The following DIS3L2 variants were observed in gnomAD, a reference collection of about 807,000 sequenced individuals.
DIS3L2 encodes the protein DIS3-like exonuclease 2.
DIS3L2 carries 34 observed loss-of-function variants against 97.5 expected under a neutral mutation model. The observed-to-expected ratio is 0.35, with a 90% CI of 0.27 to 0.46. DIS3L2 has a LOEUF of 0.46. Ranked by LOEUF, DIS3L2 falls within the 20% of genes least tolerant of loss-of-function variation. The pLI, the probability that DIS3L2 is intolerant of heterozygous loss-of-function variation, is 1.00. For synonymous variants in DIS3L2, 435 were observed against 445.2 expected, an observed-to-expected ratio of 0.98 and a Z score of 0.29; for missense variants, 1,038 against 1,146.0, an observed-to-expected ratio of 0.91 and a Z score of 1.36.
intron 6 of DIS3L2, among the ~76,000 whole-genome samples, chr2:232,094,814 T>A (rs1276506274): frequency 6.6e-6 from 1 of 152,080 alleles, no homozygotes; most frequent in Non-Finnish European, 1.5e-5. Context: ...TAATATTTGC[T>A]TTATATATCT....
At chr2:232,090,316 A>G (rs887565491) in intron 6 of DIS3L2, among the ~76,000 whole-genome samples, 2 of 151,954 alleles carry the variant, frequency 1.3e-5, no homozygotes, top group East Asian at 1.9e-4. Context: ...TTCTTTTTGC[A>G]TCCTTCCTAG....
chr2:232,128,265 A>T (rs952554846), intron 6 of DIS3L2, among the ~76,000 whole-genome samples: 6 of 151,772 alleles, frequency 4.0e-5, no homozygotes, highest in African/African-American at 1.5e-4. Flanking sequence ...CTATAATTTT[A>T]TATTTATTGA....
chr2:232,235,360 A>G (rs1222209051), intron 10 of DIS3L2, among the ~76,000 whole-genome samples: 1 of 152,244 alleles, frequency 6.6e-6, no homozygotes, highest in Non-Finnish European at 1.5e-5. Flanking sequence ...TAGAATAAAA[A>G]GTTCAGTGCC....
In DIS3L2 at chr2:232,032,178, C is replaced by G. The variant is rs534330964; in HGVS notation, c.366+2098C>G. Among the ~76,000 whole-genome samples the G allele has an allele frequency of 2.6e-5, 4 of 152,276 alleles. No individual in the cohort carries two copies. The South Asian group carries it at 8.3e-4, about 32-fold the overall frequency. On this transcript the variant is annotated intron_variant, in intron 5 of 20. Coordinates refer to ENST00000325385, the MANE Select transcript of DIS3L2 (RefSeq NM_152383.5). ...ATATCCTCTCCAGCATCGGTTGTTTCCTGACTTTTTAGTGATCTCCATTCT... is the reference window on the plus strand; with the variant it reads ...ATATCCTCTCCAGCATCGGTTGTTTGCTGACTTTTTAGTGATCTCCATTCT...
chr2:232,155,806 T>C (rs941204046), intron 8 of DIS3L2, among the ~76,000 whole-genome samples: 5 of 151,834 alleles, frequency 3.3e-5, no homozygotes. Context: ...CTGGCTAACA[T>C]GGTGAAACCC....
Position 232,163,453 on chromosome 2 carries a change from C to T in DIS3L2, c.951-6C>T. 6.2e-7 allele frequency: 1 copy of T among 1,613,170 alleles called. No homozygotes were observed. On this transcript the variant is annotated splice_region_variant and splice_polypyrimidine_tract_variant and intron_variant, in intron 8 of 20. Transcript: ENST00000325385. ...CCCAGTTATTCCGTTTCTGTTCTAT[C>T]CATAGGCAGCTGGCTAAGAGTCTTG...
intron 8 of DIS3L2, among the ~76,000 whole-genome samples, chr2:232,158,306 CGT>C (rs111880090): frequency 0.48 from 71,803 of 150,426 alleles, 17,647 homozygotes; most frequent in East Asian, 0.65. Flanking sequence ...TCCTTTATAT[CGT>C]GTGTGTGTGT....
chr2:232,279,435 T>C (rs1465911656), intron 13 of DIS3L2, among the ~76,000 whole-genome samples: 3 of 152,238 alleles, frequency 2.0e-5, no homozygotes, highest in Non-Finnish European at 4.4e-5. Context: ...AAGTGTCTGT[T>C]CATATCTTTT....
At chr2:232,297,050 A>T (rs1575001699) in intron 13 of DIS3L2, among the ~76,000 whole-genome samples, 1 of 152,202 alleles carries the variant, frequency 6.6e-6, no homozygotes. Context: ...TGTTACTGGC[A>T]CATAATTAGA....
At chr2:232,232,896 C>T (rs866531546) in intron 10 of DIS3L2, among the ~76,000 whole-genome samples, 1 of 152,050 alleles carries the variant, frequency 6.6e-6, no homozygotes, top group East Asian at 1.9e-4. Flanking sequence ...AGGCTTGGCA[C>T]GCCACACTTA....
intron 1 of DIS3L2, among the ~76,000 whole-genome samples, chr2:231,980,712 A>G (rs970438604): frequency 2.0e-5 from 3 of 152,062 alleles, no homozygotes; most frequent in Admixed American, 1.3e-4. Flanking sequence ...GAGAGAGAAA[A>G]AAAAAAGATA....
chr2:232,316,846 A>T (rs1216048557), intron 14 of DIS3L2, among the ~76,000 whole-genome samples: 3 of 152,020 alleles, frequency 2.0e-5, no homozygotes, highest in Non-Finnish European at 4.4e-5. Context: ...TGGTGTAGAT[A>T]AAAGATCAGT....
chr2:232,308,766 C>T (rs1456606408), intron 14 of DIS3L2, among the ~76,000 whole-genome samples: 1 of 152,204 alleles, frequency 6.6e-6, no homozygotes, highest in African/African-American at 2.4e-5. Context: ...GTTCTTTCTG[C>T]TTCCCAACAT....
intron 13 of DIS3L2, among the ~76,000 whole-genome samples, chr2:232,298,444 G>A (rs1694773352): frequency 6.6e-6 from 1 of 152,196 alleles, no homozygotes; most frequent in Non-Finnish European, 1.5e-5. Flanking sequence ...TTAAAATTAT[G>A]TTTTACTTCA....
At chr2:232,039,991 G>T (rs1314305980) in intron 5 of DIS3L2, among the ~76,000 whole-genome samples, 1 of 152,152 alleles carries the variant, frequency 6.6e-6, no homozygotes, top group Admixed American at 6.6e-5. Context: ...TAGGTCACAG[G>T]CTTTGCGCTT....
chr2:231,968,149 G>A (rs1692780128), intron 1 of DIS3L2, among the ~76,000 whole-genome samples: 1 of 150,060 alleles, frequency 6.7e-6, no homozygotes, highest in Non-Finnish European at 1.5e-5. Context: ...CCAGGCTGGA[G>A]TGCAGTGGCA....
rs114911246 is a variant in DIS3L2 at position 232,329,737 on chromosome 2, C to T, written c.1740-76C>T. 3,134 of 1,365,226 alleles carry T rather than the reference C, an allele frequency of 2.3e-3. 59 individuals are homozygous for T. The African/African-American group carries it at 0.039, about 17-fold the overall frequency. The allele number at this position is 1,365,226 out of a possible 1,614,324, so 84.6% of individuals were successfully genotyped here. On this transcript the variant is annotated intron_variant, in intron 14 of 20. Transcript: ENST00000325385. The stretch of plus-strand genomic sequence containing the variant: ...AAGGGTGATTGATAGAGAGCCAGGC[C>T]GGCTGCAGCGTGGGAAAGCCTGCGC...
At chr2:231,995,419 T>G (rs1429531936) in intron 1 of DIS3L2, among the ~76,000 whole-genome samples, 5 of 152,202 alleles carry the variant, frequency 3.3e-5, no homozygotes, top group Non-Finnish European at 5.9e-5. Context: ...CTATGGAACC[T>G]AGATCAAAAC....
intron 1 of DIS3L2, among the ~76,000 whole-genome samples, chr2:231,972,372 C>T (rs1168952848): frequency 6.6e-6 from 1 of 152,064 alleles, no homozygotes; most frequent in Non-Finnish European, 1.5e-5. Context: ...TTTACACCAG[C>T]ATCAACACAA....
Sources: gnomAD v4.1 joint callset for allele counts (sites outside exome capture counted in the v4.1 genomes callset) on GRCh38, gnomAD v4.1.1 for gene constraint, MANE v1.5 for transcripts, NCBI Gene and HGNC (gene_info 2026-07-23, HGNC 2026-07-21) for gene names.